The following PRKAR1A variants were observed in gnomAD, a reference collection of about 807,000 sequenced individuals.
PRKAR1A encodes protein kinase cAMP-dependent type I regulatory subunit alpha.
Under a neutral mutation model 52.0 loss-of-function variants are expected in PRKAR1A, and 3 were observed. The observed-to-expected ratio is 0.06, with a 90% CI of 0.03 to 0.15. PRKAR1A has a LOEUF of 0.15. Among genes scored for constraint, PRKAR1A ranks in the 10% least tolerant of loss-of-function variants. The probability of loss-of-function intolerance (pLI) is 1.00; values close to 1 mark genes in which losing one functional copy is unlikely to be tolerated. For missense variants in PRKAR1A, 240 were observed against 477.4 expected (o/e 0.50, Z 4.63); for synonymous variants, 188 against 168.4 (o/e 1.12, Z -0.90).
chr17:68,429,883 C>T, the PRKAR1A span: 2 of 1,516,638 alleles, frequency 1.3e-6, no homozygotes, highest in Non-Finnish European at 1.8e-6. Flanking sequence ...GCCACCGTGC[C>T]CAGCCTGGGG....
At chr17:68,435,546 T>A in the PRKAR1A span, 7 of 1,458,684 alleles carry the variant, frequency 4.8e-6, no homozygotes, top group Non-Finnish European at 6.7e-6. Flanking sequence ...CCAGGTTTGT[T>A]CAATCCCATC....
chr17:68,433,055 T>C, the PRKAR1A span, among the ~76,000 whole-genome samples: 8 of 152,382 alleles, frequency 5.2e-5, no homozygotes, highest in African/African-American at 1.7e-4. Flanking sequence ...GCAACAATGA[T>C]AAATAAATAT....
chr17:68,521,871 CCTTTTA>C (rs2085621856), intron 2 of PRKAR1A, among the ~76,000 whole-genome samples: 1 of 152,058 alleles, frequency 6.6e-6, no homozygotes, highest in Non-Finnish European at 1.5e-5. Context: ...TTATTTTTTC[CCTTTTA>C]CTTCAGGCAC....
chr17:68,437,086 T>C, the PRKAR1A span, among the ~76,000 whole-genome samples: 1 of 151,870 alleles, frequency 6.6e-6, no homozygotes, highest in Non-Finnish European at 1.5e-5. Context: ...AAACAGCATC[T>C]ACTTTTCTTC....
the PRKAR1A span, among the ~76,000 whole-genome samples, chr17:68,463,192 AG>A: frequency 1.3e-5 from 2 of 152,146 alleles, no homozygotes; most frequent in African/African-American, 4.8e-5. Flanking sequence ...ATTTAGTTCT[AG>A]GATGGTTGGG....
chr17:68,486,506 C>CTTTCTTTCT, the PRKAR1A span, among the ~76,000 whole-genome samples: 4 of 48,254 alleles, frequency 8.3e-5, no homozygotes, highest in African/African-American at 2.4e-4. Context: ...TCCTTCCTTC[C>CTTTCTTTCT]TTCTTTCTTT....
Position 68,533,244 on chromosome 17 carries a change from T to A in PRKAR1A, c.*2795T>A, listed in dbSNP as rs2086025112. 9.4e-7 allele frequency: 1 copy of A among 1,061,480 alleles called. No homozygotes were observed. Among genetic ancestry groups the A allele is most frequent in the Non-Finnish European group, 1.1e-6 (1 of 876,110 alleles). 65.8% of individuals were successfully genotyped at this position (1,061,480 alleles called of 1,614,324 possible). A position where few individuals can be genotyped will look rare whatever the true frequency, so the allele number is the denominator to read the frequency against. On this transcript the variant is annotated 3_prime_UTR_variant, in exon 11 of 11. Transcript: ENST00000589228. ...ATTTCTGAGGAGTGAGATGATTAAG[T>A]TGTATTCATTAGTGTATTGGTATTT... is the stretch of plus-strand genomic sequence containing the variant.
chr17:68,464,720 C>T, the PRKAR1A span, among the ~76,000 whole-genome samples: 2 of 150,550 alleles, frequency 1.3e-5, no homozygotes, highest in South Asian at 4.2e-4. Context: ...AAAAAAACAC[C>T]TAACATTGAA....
Position 68,533,176 on chromosome 17 carries a change from A to T in PRKAR1A, c.*2727A>T, listed in dbSNP as rs1298209768. Reference sequence around the variant, plus strand: ...TTAGGGATACTTTTATATTTTGCATATATAAAGCCTCATATATAAAGCCTT... The same window carrying T: ...TTAGGGATACTTTTATATTTTGCATTTATAAAGCCTCATATATAAAGCCTT... On this transcript the variant is annotated 3_prime_UTR_variant, in exon 11 of 11. Transcript: ENST00000589228. 1 of 1,051,346 alleles carries T rather than the reference A, an allele frequency of 9.5e-7. No homozygotes were observed. Among genetic ancestry groups the T allele is most frequent in the African/African-American group, 1.6e-5 (1 of 60,800 alleles). 65.1% of individuals were successfully genotyped at this position (1,051,346 alleles called of 1,614,324 possible).
chr17:68,464,951 A>G, the PRKAR1A span, among the ~76,000 whole-genome samples: 1 of 145,758 alleles, frequency 6.9e-6, no homozygotes, highest in African/African-American at 2.5e-5. Context: ...TTTTAGACGG[A>G]GTCTTGCTCT....
intron 11 of PRKAR1A, chr17:68,539,469 C>G (rs925588578): frequency 2.9e-6 from 4 of 1,376,126 alleles, no homozygotes; most frequent in Admixed American, 1.7e-5. Flanking sequence ...CCTCTCTCCT[C>G]TCAGCATTTT....
At chr17:68,449,203 A>C in the PRKAR1A span, among the ~76,000 whole-genome samples, 10 of 152,266 alleles carry the variant, frequency 6.6e-5, no homozygotes, top group Non-Finnish European at 1.5e-4. Flanking sequence ...GCATGGTCAC[A>C]TAAAGAATCT....
the PRKAR1A span, among the ~76,000 whole-genome samples, chr17:68,439,071 T>TAAAC: frequency 3.9e-5 from 6 of 152,174 alleles, no homozygotes; most frequent in Non-Finnish European, 5.9e-5. Context: ...TCTGGAACGT[T>TAAAC]TAGCAGTTCT....
In PRKAR1A at chr17:68,531,676, C is replaced by T. The variant is rs748784888; in HGVS notation, c.*1227C>T. 1.1e-5 allele frequency: 12 copies of T among 1,065,764 alleles called. No homozygotes were observed. Among genetic ancestry groups the T allele is most frequent in the Non-Finnish European group, 1.4e-5 (12 of 879,124 alleles). 66.0% of individuals were successfully genotyped at this position (1,065,764 alleles called of 1,614,324 possible). A position where few individuals can be genotyped will look rare whatever the true frequency, so the allele number is the denominator to read the frequency against. Reference sequence around the variant, plus strand: ...GCTATCCTGCTGAAAGTCCTGCTTTCCTATCTAGCATTTATTTCTCTGGCA... The same window carrying T: ...GCTATCCTGCTGAAAGTCCTGCTTTTCTATCTAGCATTTATTTCTCTGGCA... On this transcript the variant is annotated 3_prime_UTR_variant, in exon 11 of 11. Coordinates refer to ENST00000589228, the MANE Select transcript of PRKAR1A (RefSeq NM_002734.5).
the PRKAR1A span, chr17:68,420,520 C>G: frequency 6.4e-7 from 1 of 1,566,850 alleles, no homozygotes; most frequent in Non-Finnish European, 8.7e-7. Context: ...AGTTTGCTTC[C>G]AAATTTCATT....
intron 11 of PRKAR1A, among the ~76,000 whole-genome samples, chr17:68,548,858 G>C (rs1337780564): frequency 2.1e-5 from 3 of 145,412 alleles, no homozygotes; most frequent in East Asian, 4.5e-4. Flanking sequence ...TCAGCCTCCC[G>C]AGCAGCTGGG....
chr17:68,524,102 A>G (rs767662300), intron 5 of PRKAR1A, 25 bp downstream of exon 5: 20 of 1,611,618 alleles, frequency 1.2e-5, no homozygotes, highest in South Asian at 7.7e-5. Flanking sequence ...AGCATGCAAT[A>G]TTGTTACGGG....
the PRKAR1A span, among the ~76,000 whole-genome samples, chr17:68,472,463 C>G: frequency 1.3e-5 from 2 of 152,040 alleles, no homozygotes; most frequent in Non-Finnish European, 2.9e-5. Flanking sequence ...CTTGCAGACC[C>G]CAGTGCAAAA....
chr17:68,526,318 G>A (rs533594323), intron 7 of PRKAR1A, among the ~76,000 whole-genome samples: 2 of 152,278 alleles, frequency 1.3e-5, no homozygotes, highest in East Asian at 3.9e-4. Context: ...CTGTGAAAGT[G>A]GGTTATCAGT....
Sources: gnomAD v4.1 joint callset for allele counts (sites outside exome capture counted in the v4.1 genomes callset) on GRCh38, gnomAD v4.1.1 for gene constraint, MANE v1.5 for transcripts, NCBI Gene and HGNC (gene_info 2026-07-23, HGNC 2026-07-21) for gene names.